KCNAB1: variants seen among roughly 807,000 people sequenced by gnomAD.
KCNAB1 encodes the protein potassium voltage-gated channel subfamily A regulatory beta subunit 1.
A neutral mutation model predicts 64.6 loss-of-function variants in KCNAB1; 35 were observed. The ratio of observed to expected loss-of-function variants is 0.54; its 90% CI spans 0.41 to 0.72. The LOEUF is 0.72. Ranked by LOEUF, KCNAB1 falls within the 30% of genes least tolerant of loss-of-function variation. The pLI, the probability that KCNAB1 is intolerant of heterozygous loss-of-function variation, is 0.00. For synonymous variants in KCNAB1, 177 were observed against 183.8 expected, an observed-to-expected ratio of 0.96 and a Z score of 0.30; for missense variants, 401 against 512.9, an observed-to-expected ratio of 0.78 and a Z score of 2.11.
At chr3:156,486,030 G>A (rs1327323000) in intron 8 of KCNAB1, among the ~76,000 whole-genome samples, 1 of 151,994 alleles carries the variant, frequency 6.6e-6, no homozygotes, top group Non-Finnish European at 1.5e-5. Context: ...TTGATCACTC[G>A]ATTCAAGTGA....
chr3:156,168,736 C>T (rs958910831), intron 1 of KCNAB1, among the ~76,000 whole-genome samples: 3 of 152,124 alleles, frequency 2.0e-5, no homozygotes, highest in South Asian at 2.1e-4. Context: ...AAGAAAACAG[C>T]GAGATGTTTT....
At chr3:156,269,255 T>G (rs1218503484) in intron 1 of KCNAB1, among the ~76,000 whole-genome samples, 2 of 152,234 alleles carry the variant, frequency 1.3e-5, no homozygotes, top group Non-Finnish European at 2.9e-5. Context: ...CTGTTTTTGT[T>G]TCAGGAGCAT....
At chr3:156,456,599 T>G (rs1178487370) in intron 3 of KCNAB1, among the ~76,000 whole-genome samples, 3 of 152,260 alleles carry the variant, frequency 2.0e-5, no homozygotes, top group Non-Finnish European at 4.4e-5. Flanking sequence ...ATAGTTTATT[T>G]TGGAAATGCG....
chr3:156,245,731 T>G (rs1717416141), intron 1 of KCNAB1, among the ~76,000 whole-genome samples: 1 of 152,220 alleles, frequency 6.6e-6, no homozygotes, highest in African/African-American at 2.4e-5. Flanking sequence ...TGGGTAAATT[T>G]TATCTTCTTT....
chr3:156,207,472 T>C (rs1009704200), intron 1 of KCNAB1, among the ~76,000 whole-genome samples: 6 of 152,316 alleles, frequency 3.9e-5, no homozygotes, highest in African/African-American at 1.4e-4. Flanking sequence ...CTTACAATTC[T>C]TCTACACCTT....
Position 156,130,205 on chromosome 3 carries a change from C to T in KCNAB1, c.275+9319C>T, listed in dbSNP as rs79381647. 8.9e-3 allele frequency among the ~76,000 whole-genome samples: 1,349 copies of T among 152,260 alleles called. 30 individuals carry two copies. Among genetic ancestry groups the T allele is most frequent in the African/African-American group, 0.031 (1,300 of 41,558 alleles). ...TGTTATAAACCACTATCTATGTGTTCGCTATTATTTTTATTACCTTCTGCA... is the reference window on the plus strand; with the variant it reads ...TGTTATAAACCACTATCTATGTGTTTGCTATTATTTTTATTACCTTCTGCA... On this transcript the variant is annotated intron_variant, in intron 1 of 13. Transcript: ENST00000490337.
intron 8 of KCNAB1, among the ~76,000 whole-genome samples, chr3:156,492,074 A>G (rs1387516080): frequency 6.6e-6 from 1 of 152,158 alleles, no homozygotes; most frequent in Non-Finnish European, 1.5e-5. Context: ...CCAATTATCC[A>G]GAATTCTGAC....
chr3:156,318,335 A>T (rs1475118254), intron 1 of KCNAB1, among the ~76,000 whole-genome samples: 1 of 152,182 alleles, frequency 6.6e-6, no homozygotes, highest in Non-Finnish European at 1.5e-5. Context: ...GGTCATCACA[A>T]ACTCACAGGC....
chr3:156,384,739 C>T (rs1479781246), intron 1 of KCNAB1, among the ~76,000 whole-genome samples: 1 of 152,150 alleles, frequency 6.6e-6, no homozygotes, highest in African/African-American at 2.4e-5. Flanking sequence ...CGCATCAGAA[C>T]TTGTACTATT....
intron 1 of KCNAB1, among the ~76,000 whole-genome samples, chr3:156,184,240 G>A (rs9833026): frequency 0.034 from 5,154 of 152,226 alleles, 312 homozygotes; most frequent in African/African-American, 0.12. Context: ...CTGTGTTCAT[G>A]CTCCTGCCTC....
chr3:156,361,781 C>G (rs949072943), intron 1 of KCNAB1, among the ~76,000 whole-genome samples: 1 of 152,154 alleles, frequency 6.6e-6, no homozygotes, highest in African/African-American at 2.4e-5. Flanking sequence ...ACTTCAGCCT[C>G]CCAAGTAGCT....
At chr3:156,255,832 C>T (rs1718072036) in intron 1 of KCNAB1, among the ~76,000 whole-genome samples, 1 of 152,196 alleles carries the variant, frequency 6.6e-6, no homozygotes, top group Non-Finnish European at 1.5e-5. Context: ...ACCTGCACTT[C>T]TTTTAGCATG....
At chr3:156,204,843 T>C (rs1017801119) in intron 1 of KCNAB1, among the ~76,000 whole-genome samples, 7 of 149,710 alleles carry the variant, frequency 4.7e-5, no homozygotes, top group Non-Finnish European at 1.0e-4. Flanking sequence ...ACAACAACAA[T>C]AACAACAACA....
At chr3:156,208,495 T>A (rs1426355116) in intron 1 of KCNAB1, among the ~76,000 whole-genome samples, 4 of 152,166 alleles carry the variant, frequency 2.6e-5, no homozygotes, top group Non-Finnish European at 5.9e-5. Context: ...CATTAATGGC[T>A]TTTAAATTTC....
In KCNAB1 at chr3:156,321,569, C is replaced by G. The variant is rs556287877; in HGVS notation, c.276-100047C>G. 1.9e-4 allele frequency among the ~76,000 whole-genome samples: 29 copies of G among 152,302 alleles called. 1 individual carries two copies. The highest frequency in any genetic ancestry group is 3.4e-3 in the Middle Eastern group (1 of 294). Reference sequence around the variant, plus strand: ...TTATATCCTTTTTCCCTTATGCTTCCAGTTTTTCTTTACAAGAATATACAT... The same window carrying G: ...TTATATCCTTTTTCCCTTATGCTTCGAGTTTTTCTTTACAAGAATATACAT... On this transcript the variant is annotated intron_variant, in intron 1 of 13. Transcript: ENST00000490337.
chr3:156,261,608 A>G (rs1718434244), intron 1 of KCNAB1, among the ~76,000 whole-genome samples: 1 of 152,028 alleles, frequency 6.6e-6, no homozygotes, highest in Non-Finnish European at 1.5e-5. Flanking sequence ...CTATATACTT[A>G]TCCTTTGCCA....
chr3:156,532,264 T>C (rs1238604131), intron 13 of KCNAB1, among the ~76,000 whole-genome samples: 3 of 152,070 alleles, frequency 2.0e-5, no homozygotes, highest in Non-Finnish European at 4.4e-5. Flanking sequence ...AGTGGGTGGG[T>C]TGAAAGGATG....
At chr3:156,237,064 A>G (rs527613992) in intron 1 of KCNAB1, among the ~76,000 whole-genome samples, 6 of 152,350 alleles carry the variant, frequency 3.9e-5, no homozygotes, top group African/African-American at 1.4e-4. Context: ...GGATGCATGT[A>G]GACAACTGTT....
At position 156,474,813 on chromosome 3, in the gene KCNAB1, C is replaced by A; in HGVS notation, c.651C>A (p.Pro217=). 1.2e-6 allele frequency: 2 copies of A among 1,611,324 alleles called. No individual in the cohort carries two copies. Among genetic ancestry groups the A allele is most frequent in the South Asian group, 2.2e-5 (2 of 90,990 alleles). Residue 217 remains proline, a synonymous_variant, in exon 8 of 14, where the codon CCC becomes CCA. Transcript: ENST00000490337. The stretch of plus-strand genomic sequence containing the variant: ...CAAATCGACCGGACAGTAACACTCC[C>A]ATGGAAGGTAAGTTAAGAAAGCTAA... ...VFANRPDSNT[P]MEEIVRAMTH...
Sources: gnomAD v4.1 joint callset for allele counts (sites outside exome capture counted in the v4.1 genomes callset) on GRCh38, gnomAD v4.1.1 for gene constraint, MANE v1.5 for transcripts, NCBI Gene and HGNC (gene_info 2026-07-23, HGNC 2026-07-21) for gene names.